COA8: variants seen among roughly 807,000 people sequenced by gnomAD.
COA8 encodes UPF0671 protein C14orf153.
Under a neutral mutation model 22.0 loss-of-function variants are expected in COA8, and 20 were observed. The observed-to-expected ratio is 0.91, with a 90% confidence interval of 0.64 to 1.32. The LOEUF (loss-of-function observed/expected upper bound fraction) is 1.32. COA8 is among the 40% of genes most tolerant of loss of function. COA8 has a pLI of 0.00. For missense variants in COA8, 266 were observed against 230.0 expected, an observed-to-expected ratio of 1.16 and a Z score of -1.01; for synonymous variants, 105 against 79.9, an observed-to-expected ratio of 1.31 and a Z score of -1.68.
intron 3 of COA8, among the ~76,000 whole-genome samples, chr14:103,576,033 C>T (rs1216684583): frequency 6.7e-6 from 1 of 150,324 alleles, no homozygotes; most frequent in African/African-American, 2.4e-5. Flanking sequence ...TCAGGCCGGG[C>T]GCGGTGGTTC....
At chr14:103,586,090 G>A (rs1595149981) in intron 3 of COA8, among the ~76,000 whole-genome samples, 1 of 151,162 alleles carries the variant, frequency 6.6e-6, no homozygotes, top group East Asian at 1.9e-4. Context: ...TAGTAGAGAC[G>A]GTGTTTCAGC....
chr14:103,567,942 G>A (rs1188342670), intron 1 of COA8, among the ~76,000 whole-genome samples: 1 of 152,162 alleles, frequency 6.6e-6, no homozygotes, highest in Non-Finnish European at 1.5e-5. Context: ...ACTTTCTAGT[G>A]TTTGCCCTTC....
chr14:103,581,464 GGTC>G lies in COA8; in HGVS notation c.386-5808_386-5806del. ...AGAGGGAGGAGTCGCCTCCTGGGCT[GGTC>G]GGAGTAGGACCTTGGGAGGTTTCAT... On this transcript the variant is annotated intron_variant, in intron 3 of 4. Transcript: ENST00000409074. The surrounding 1 kb of genome is among the most constrained non-coding windows in gnomAD (Gnocchi z 4.1). 2.5e-6 allele frequency: 1 copy of G among 392,972 alleles called. No homozygotes were observed. The highest frequency in any genetic ancestry group is 3.6e-5 in the East Asian group (1 of 27,774). 24.3% of individuals were successfully genotyped at this position (392,972 alleles called of 1,614,324 possible).
Position 103,564,571 on chromosome 14 carries a change from C to CTTTTTTTT in COA8, c.123+1466_123+1473dup, listed in dbSNP as rs561702478. On this transcript the variant is annotated intron_variant, in intron 1 of 4. Transcript: ENST00000409074. Reference sequence around the variant, plus strand: ...GATTTCTCTATTGTCATATACACTTCTTTTTTTTTTTTTTTTTTTTTTTTT... The same window carrying CTTTTTTTT: ...GATTTCTCTATTGTCATATACACTTCTTTTTTTTTTTTTTTTTTTTTTTTTTTTTTTTT... 1.6e-4 allele frequency among the ~76,000 whole-genome samples: 15 copies of CTTTTTTTT among 91,460 alleles called. 6 individuals are homozygous for CTTTTTTTT. Among genetic ancestry groups the CTTTTTTTT allele is most frequent in the Non-Finnish European group, 2.3e-4 (11 of 47,532 alleles). 60.0% of individuals were successfully genotyped at this position (91,460 alleles called of 152,430 possible). A position where few individuals can be genotyped will look rare whatever the true frequency, so the allele number is the denominator to read the frequency against.
intron 2 of COA8, among the ~76,000 whole-genome samples, chr14:103,572,226 T>TA (rs2076193569): frequency 1.3e-5 from 2 of 152,228 alleles, no homozygotes; most frequent in Admixed American, 1.3e-4. Flanking sequence ...TGCTATTTGT[T>TA]ACGTGGTAGT....
intron 1 of COA8, among the ~76,000 whole-genome samples, chr14:103,571,269 T>C (rs141630389): frequency 0.013 from 2,037 of 152,066 alleles, 26 homozygotes; most frequent in South Asian, 0.037. Context: ...CTTGGGAGGC[T>C]GAGGCAGGAG....
Position 103,574,226 on chromosome 14 carries a change from T to C in COA8, c.385+56T>C, listed in dbSNP as rs781278777. ...CTTTCTTTGCGTTTGAGCTAGTCCA[T>C]GAAAAGGGAAAGGAAGGGCGGTGAG... On this transcript the variant is annotated intron_variant, in intron 3 of 4. Transcript: ENST00000409074. The C allele has an allele frequency of 8.7e-6, 14 of 1,606,234 alleles. 1 individual carries two copies. The highest frequency in any genetic ancestry group is 1.3e-5 in the African/African-American group (1 of 74,856).
chr14:103,580,140 G>A (rs548385610), intron 3 of COA8, among the ~76,000 whole-genome samples: 9 of 148,122 alleles, frequency 6.1e-5, no homozygotes, highest in African/African-American at 2.0e-4. Context: ...GCAGTGGCGC[G>A]ATCGTGGCTC....
At chr14:103,565,593 C>T (rs953101803) in intron 1 of COA8, among the ~76,000 whole-genome samples, 1 of 151,612 alleles carries the variant, frequency 6.6e-6, no homozygotes, top group African/African-American at 2.4e-5. Context: ...GTTCTGCCTC[C>T]ATCACCTCCC....
chr14:103,586,222 T>TTTTTTTTTA (rs1555414078), intron 3 of COA8, among the ~76,000 whole-genome samples: 1 of 145,772 alleles, frequency 6.9e-6, no homozygotes, highest in Non-Finnish European at 1.5e-5. Context: ...TTTTTTTTTT[T>TTTTTTTTTA]AACGAGACAG....
At chr14:103,564,260 A>G (rs1264477181) in intron 1 of COA8, among the ~76,000 whole-genome samples, 1 of 152,154 alleles carries the variant, frequency 6.6e-6, no homozygotes, top group Non-Finnish European at 1.5e-5. Flanking sequence ...TTGAAGGTCT[A>G]TCTAGTTTAC....
chr14:103,590,283 C>A lies in COA8; in HGVS notation c.579C>A (p.Asn193Lys). The change falls in exon 5 of 5, where the codon AAC (asparagine) becomes AAA (lysine). Residue 193 changes from asparagine (N) to lysine (K), a missense_variant. Physicochemically the swap from Asn to Lys is moderately conservative, Grantham distance 94. Transcript: ENST00000409074. ...KLKQKQKKRSN is the reference protein window; with the variant it reads ...KLKQKQKKRSK ...AACAGAAACAAAAGAAGAGGAGCAA[C>A]TAGGAGTCCACTCTGACCCAGCCAG... 1 of 1,613,634 alleles carries A rather than the reference C, an allele frequency of 6.2e-7. No homozygotes were observed. The highest frequency in any genetic ancestry group is 8.5e-7 in the Non-Finnish European group (1 of 1,179,610).
chr14:103,575,087 C>T (rs2076220789), intron 3 of COA8, among the ~76,000 whole-genome samples: 2 of 152,266 alleles, frequency 1.3e-5, no homozygotes. Flanking sequence ...CGCCCCATGG[C>T]TGTCAGCGCA....
chr14:103,585,277 G>T lies in COA8; in HGVS notation c.386-1997G>T, dbSNP rs535858857. 2.0e-5 allele frequency among the ~76,000 whole-genome samples: 3 copies of T among 151,756 alleles called. No individual in the cohort carries two copies. The East Asian group carries it at 5.9e-4, about 30-fold the overall frequency. On this transcript the variant is annotated intron_variant, in intron 3 of 4. Coordinates refer to ENST00000409074, the MANE Select transcript of COA8 (RefSeq NM_001370595.2). Reference sequence around the variant, plus strand: ...GTGGATCACCTGAGGTTGGGAGTTCGAGACCAGCCTGACCAACATGGAGAA... The same window carrying T: ...GTGGATCACCTGAGGTTGGGAGTTCTAGACCAGCCTGACCAACATGGAGAA...
intron 4 of COA8, chr14:103,588,136 A>T (rs922674125): frequency 1.9e-5 from 6 of 322,428 alleles, no homozygotes; most frequent in African/African-American, 1.3e-4. Flanking sequence ...AAAAAAAAAA[A>T]AAAACGGGTT....
chr14:103,579,240 G>A (rs1290627766), intron 3 of COA8: 2 of 163,782 alleles, frequency 1.2e-5, no homozygotes, highest in East Asian at 1.9e-4. Flanking sequence ...ATGTACACTA[G>A]GTTTTTCCCT....
intron 1 of COA8, 101 bp downstream of exon 1, chr14:103,563,225 C>T (rs1448775818): frequency 2.1e-6 from 3 of 1,455,818 alleles, no homozygotes; most frequent in Non-Finnish European, 2.8e-6. Flanking sequence ...CCGCCTCAGG[C>T]CTTTGTCCAG....
intron 2 of COA8, 91 bp from the exon 3 acceptor site, chr14:103,574,016 A>G: frequency 1.4e-6 from 2 of 1,428,154 alleles, no homozygotes; most frequent in East Asian, 2.5e-5. Context: ...CTTCTCCAGT[A>G]CACCGTGAGC....
intron 3 of COA8, 113 bp downstream of exon 3, chr14:103,574,283 C>A: frequency 6.9e-7 from 1 of 1,450,060 alleles, no homozygotes; most frequent in Non-Finnish European, 9.6e-7. Flanking sequence ...GGTCCTTGGC[C>A]TGCTTTGGGG....
Sources: gnomAD v4.1 joint callset for allele counts (sites outside exome capture counted in the v4.1 genomes callset) on GRCh38, gnomAD v4.1.1 for gene constraint, Gnocchi (gnomAD v3.1) non-coding constraint, MANE v1.5 for transcripts, NCBI Gene and HGNC (gene_info 2026-07-23, HGNC 2026-07-21) for gene names.